EIF4G3: variants seen among roughly 807,000 people sequenced by gnomAD.
The protein encoded by EIF4G3 is eIF-4-gamma 3.
A neutral mutation model predicts 186.4 loss-of-function variants in EIF4G3; 34 were observed. The ratio of observed to expected loss-of-function variants is 0.18; its 90% confidence interval spans 0.14 to 0.24. The LOEUF (loss-of-function observed/expected upper bound fraction) is 0.24. EIF4G3 is among the 10% of genes least tolerant of loss of function. The probability of loss-of-function intolerance (pLI) is 1.00; values close to 1 mark genes in which losing one functional copy is unlikely to be tolerated. For missense variants in EIF4G3, 1,536 were observed against 1,948.5 expected (o/e 0.79, Z 3.99); for synonymous variants, 673 against 679.5 (o/e 0.99, Z 0.15).
At chr1:20,833,544 C>T (rs539397818) in intron 30 of EIF4G3, among the ~76,000 whole-genome samples, 4 of 152,296 alleles carry the variant, frequency 2.6e-5, no homozygotes, top group South Asian at 4.1e-4. Context: ...ACAATCATGT[C>T]GTCTGCAAAC....
chr1:21,151,069 T>G (rs1316907087), intron 2 of EIF4G3, among the ~76,000 whole-genome samples: 2 of 152,134 alleles, frequency 1.3e-5, no homozygotes, highest in African/African-American at 4.8e-5. Flanking sequence ...AGTAACCACA[T>G]GAACACTGTT....
chr1:20,903,398 A>C (rs931334220), intron 15 of EIF4G3, among the ~76,000 whole-genome samples: 4 of 152,236 alleles, frequency 2.6e-5, no homozygotes, highest in Non-Finnish European at 4.4e-5. Context: ...TAATGCTTAG[A>C]AATCCAACAT....
At chr1:20,936,855 T>C (rs746537255) in intron 14 of EIF4G3, among the ~76,000 whole-genome samples, 1 of 152,228 alleles carries the variant, frequency 6.6e-6, no homozygotes, top group Non-Finnish European at 1.5e-5. Context: ...CAGTATTTTG[T>C]TAACATTACC....
chr1:21,107,597 T>C (rs2096640246), intron 2 of EIF4G3, among the ~76,000 whole-genome samples: 1 of 152,220 alleles, frequency 6.6e-6, no homozygotes. Flanking sequence ...AATAGGTCTG[T>C]CCAATGTATA....
At chr1:21,073,579 C>T (rs2100464503) in intron 3 of EIF4G3, 2 of 464,384 alleles carry the variant, frequency 4.3e-6, no homozygotes, top group African/African-American at 2.0e-5. Flanking sequence ...CATCTTCTCA[C>T]AGGAACTGTA....
At chr1:20,973,670 T>A (rs2154565913) in intron 10 of EIF4G3, among the ~76,000 whole-genome samples, 1 of 152,274 alleles carries the variant, frequency 6.6e-6, no homozygotes, top group East Asian at 1.9e-4. Context: ...ATACTTAGAA[T>A]CCAGGTTCCA....
At chr1:20,985,689 C>T (rs1394831417) in intron 7 of EIF4G3, among the ~76,000 whole-genome samples, 2 of 152,094 alleles carry the variant, frequency 1.3e-5, no homozygotes, top group Non-Finnish European at 2.9e-5. Context: ...AAACTGCTTG[C>T]AATCCTTCAA....
chr1:20,958,653 G>C (rs1400800586), intron 12 of EIF4G3, among the ~76,000 whole-genome samples: 1 of 152,030 alleles, frequency 6.6e-6, no homozygotes, highest in Non-Finnish European at 1.5e-5. Context: ...GAAAACCCTA[G>C]AGACTCCTCC....
At chr1:20,956,542 G>A (rs951253700) in intron 12 of EIF4G3, among the ~76,000 whole-genome samples, 5 of 130,562 alleles carry the variant, frequency 3.8e-5, no homozygotes, top group African/African-American at 1.1e-4. Flanking sequence ...ACTGTGGAGA[G>A]TGAAATTAAG....
intron 14 of EIF4G3, among the ~76,000 whole-genome samples, chr1:20,923,475 C>T (rs564283530): frequency 7.9e-5 from 12 of 152,200 alleles, no homozygotes; most frequent in African/African-American, 2.9e-4. Flanking sequence ...CAATTTAATT[C>T]AAGGTAAATC....
chr1:20,925,880 T>C (rs2094849497), intron 14 of EIF4G3, among the ~76,000 whole-genome samples: 2 of 152,272 alleles, frequency 1.3e-5, no homozygotes, highest in African/African-American at 4.8e-5. Context: ...GATTCCGAGG[T>C]TACATGCATG....
chr1:21,047,629 C>T (rs1338970263), intron 4 of EIF4G3, among the ~76,000 whole-genome samples: 5 of 152,288 alleles, frequency 3.3e-5, no homozygotes, highest in Admixed American at 6.5e-5. Context: ...ACCTTCTCTC[C>T]CTTCTTCGTG....
chr1:21,175,795 T>C (rs2098089502), intron 2 of EIF4G3: 1 of 152,936 alleles, frequency 6.5e-6, no homozygotes, highest in South Asian at 2.1e-4. Context: ...AGCAGGAGGG[T>C]GTAATCCTCA....
At chr1:21,099,131 A>C (rs1201752881) in intron 2 of EIF4G3, among the ~76,000 whole-genome samples, 1 of 152,266 alleles carries the variant, frequency 6.6e-6, no homozygotes, top group Admixed American at 6.5e-5. Context: ...AGTGCTGATA[A>C]GGATGAGGAG....
At position 21,018,235 on chromosome 1, in the gene EIF4G3, T is replaced by C. The variant is rs146508967; in HGVS notation, c.-66-15427A>G. ...TACTGGGATTACAGGTATGGGCCAA[T>C]GTGCCCAGTCAAATGTAAATGTTCT... On this transcript the variant is annotated intron_variant, in intron 4 of 36. Transcript: ENST00000602326. Among the ~76,000 whole-genome samples the C allele has an allele frequency of 5.2e-3, 797 of 152,294 alleles. 11 individuals carry two copies. The highest frequency in any genetic ancestry group is 0.018 in the African/African-American group (761 of 41,554).
Position 20,840,875 on chromosome 1 carries a change from T to C in EIF4G3, c.4042A>G (p.Lys1348Glu). The change falls in exon 30 of 37, where the codon AAA becomes GAA. Residue 1348 changes from lysine (K) to glutamate (E), a missense_variant. Lys to Glu is a moderately conservative substitution (Grantham distance 56, BLOSUM62 1). Transcript: ENST00000602326. Reference sequence around the variant, plus strand: ...ACTGACCCTTTGAAAAAGTCCTGTTTGCTGAGTTTTTCTGACTGTACCAGC... The same window carrying C: ...ACTGACCCTTTGAAAAAGTCCTGTTCGCTGAGTTTTTCTGACTGTACCAGC... ...YQLVQSEKLS[K>E]QDFFKGFSET... is the part of the protein sequence containing the mutation. The C allele has an allele frequency of 6.2e-7, 1 of 1,614,164 alleles. No individual in the cohort carries two copies. The highest frequency in any genetic ancestry group is 8.5e-7 in the Non-Finnish European group (1 of 1,180,016).
At position 20,810,757 on chromosome 1, in the gene EIF4G3, T is replaced by C; in HGVS notation, c.4725A>G (p.Val1575=). ...ACTTACTGGCAGGTTGATCAAGTTT[T>C]ACTATCGATGCTTGTAGTGCATAAA... ...QALYALQASI[V]KLDQPANLLR... is the part of the protein sequence containing the mutation. Residue 1575 remains valine, a synonymous_variant, in exon 36 of 37, where the codon GTA becomes GTG. Coordinates refer to ENST00000602326, the MANE Select transcript of EIF4G3 (RefSeq NM_001391906.1). The surrounding 1 kb of genome is among the most constrained non-coding windows in gnomAD (Gnocchi z 4.1). The C allele has an allele frequency of 6.2e-7, 1 of 1,613,914 alleles. No homozygotes were observed. The highest frequency in any genetic ancestry group is 8.5e-7 in the Non-Finnish European group (1 of 1,179,792).
chr1:20,816,531 A>G (rs1350126887), intron 34 of EIF4G3, among the ~76,000 whole-genome samples: 1 of 58,190 alleles, frequency 1.7e-5, no homozygotes, highest in Admixed American at 1.5e-4. Flanking sequence ...CGCCCTATCC[A>G]GGAGGTGAGG....
At chr1:20,881,092 A>G (rs898130382) in intron 19 of EIF4G3, among the ~76,000 whole-genome samples, 5 of 152,246 alleles carry the variant, frequency 3.3e-5, no homozygotes, top group Admixed American at 6.5e-5. Context: ...AAAACTTTCT[A>G]TATAAAGACA....
Sources: allele counts gnomAD v4.1 joint callset (sites outside exome capture counted in the v4.1 genomes callset), GRCh38; gene constraint gnomAD v4.1.1; non-coding constraint Gnocchi (gnomAD v3.1); transcripts MANE v1.5; gene names NCBI Gene and HGNC (gene_info 2026-07-23, HGNC 2026-07-21).